MACROD2: variants seen among roughly 807,000 people sequenced by gnomAD.
The protein encoded by MACROD2 is mono-ADP ribosylhydrolase 2.
A neutral mutation model predicts 70.4 loss-of-function variants in MACROD2; 36 were observed. That is an observed-to-expected ratio of 0.51 (90% CI 0.39 to 0.68). MACROD2 has a LOEUF of 0.68. Ranked by LOEUF, MACROD2 falls within the 30% of genes least tolerant of loss-of-function variation. The probability of loss-of-function intolerance (pLI) is 0.00; values close to 1 mark genes in which losing one functional copy is unlikely to be tolerated. For synonymous variants in MACROD2, 172 were observed against 178.8 expected (o/e 0.96, Z 0.30); for missense variants, 496 against 538.4 (o/e 0.92, Z 0.78).
intron 4 of MACROD2, among the ~76,000 whole-genome samples, chr20:14,663,066 A>C (rs747948960): frequency 2.0e-5 from 3 of 152,232 alleles, no homozygotes; most frequent in Non-Finnish European, 2.9e-5. Flanking sequence ...ATAATAGCAA[A>C]CACATGGAAT....
chr20:15,048,861 A>G (rs1200769538), intron 5 of MACROD2, among the ~76,000 whole-genome samples: 1 of 152,170 alleles, frequency 6.6e-6, no homozygotes, highest in Non-Finnish European at 1.5e-5. Context: ...TAATCATAGC[A>G]GTATTTTTAA....
rs534944496 is a variant in MACROD2 at position 14,659,663 on chromosome 20, G to T, written c.302-25180G>T. On this transcript the variant is annotated intron_variant, in intron 4 of 17. Transcript: ENST00000684519. ...GGCCTAAACACTAGTGGGAAAAAGCGCCTGGTGAACAAATGCTGGGTGGCA... is the reference window on the plus strand; with the variant it reads ...GGCCTAAACACTAGTGGGAAAAAGCTCCTGGTGAACAAATGCTGGGTGGCA... Among the ~76,000 whole-genome samples the T allele has an allele frequency of 3.3e-5, 5 of 152,112 alleles. No homozygotes were observed. In the East Asian group the frequency reaches 5.8e-4, roughly 18 times the overall value.
intron 13 of MACROD2, among the ~76,000 whole-genome samples, chr20:15,968,792 T>G: frequency 1.1e-5 from 1 of 94,776 alleles, no homozygotes; most frequent in African/African-American, 3.6e-5. Flanking sequence ...TATTATATAT[T>G]ATGCGTATAT....
At chr20:14,469,743 C>T (rs957494959) in intron 3 of MACROD2, among the ~76,000 whole-genome samples, 8 of 151,870 alleles carry the variant, frequency 5.3e-5, no homozygotes, top group African/African-American at 1.9e-4. Flanking sequence ...TATCATGCTT[C>T]ACGAAGTTCT....
intron 3 of MACROD2, among the ~76,000 whole-genome samples, chr20:14,459,208 A>G (rs2084339087): frequency 6.6e-6 from 1 of 151,846 alleles, no homozygotes; most frequent in Non-Finnish European, 1.5e-5. Context: ...TATTCGTTTG[A>G]TGTGATTACT....
At chr20:14,492,718 T>G (rs1215096221) in intron 3 of MACROD2, among the ~76,000 whole-genome samples, 2 of 152,140 alleles carry the variant, frequency 1.3e-5, no homozygotes, top group African/African-American at 4.8e-5. Context: ...TTAAGAACTC[T>G]ATGGAATAAA....
intron 12 of MACROD2, among the ~76,000 whole-genome samples, chr20:15,940,193 A>G (rs2065730875): frequency 6.6e-6 from 1 of 151,622 alleles, no homozygotes; most frequent in Non-Finnish European, 1.5e-5. Flanking sequence ...TCCCAGGTGT[A>G]AGCAATTCTG....
chr20:14,167,928 A>G (rs2081186088), intron 3 of MACROD2, among the ~76,000 whole-genome samples: 1 of 152,208 alleles, frequency 6.6e-6, no homozygotes. Flanking sequence ...TGGTAACATT[A>G]GTTGATAAAG....
In MACROD2 at chr20:14,770,458, T is replaced by C. The variant is rs182538595; in HGVS notation, c.418+85499T>C. On this transcript the variant is annotated intron_variant, in intron 5 of 17. Coordinates refer to ENST00000684519, the MANE Select transcript of MACROD2 (RefSeq NM_001351661.2). ...TCTTAAAATATAAGTATAAAAACTG[T>C]GTTTGTTCTATATGTTTATACTGAG... 3.3e-5 allele frequency among the ~76,000 whole-genome samples: 5 copies of C among 152,152 alleles called. No individual in the cohort carries two copies. The East Asian group carries it at 9.7e-4, about 29-fold the overall frequency.
At chr20:15,810,799 T>A (rs930853132) in intron 8 of MACROD2, among the ~76,000 whole-genome samples, 1 of 152,016 alleles carries the variant, frequency 6.6e-6, no homozygotes, top group Admixed American at 6.6e-5. Flanking sequence ...TACAACTATC[T>A]GATCTTTGAC....
intron 6 of MACROD2, among the ~76,000 whole-genome samples, chr20:15,363,118 G>A (rs1481538883): frequency 6.6e-6 from 1 of 152,274 alleles, no homozygotes; most frequent in Admixed American, 6.5e-5. Context: ...TCCTTCGTTT[G>A]TTTGTTTTCT....
rs11484133 is a variant in MACROD2 at position 15,665,989 on chromosome 20, TA to T, written c.645+166153del. Among the ~76,000 whole-genome samples the T allele has an allele frequency of 4.9e-3, 731 of 148,838 alleles. 5 individuals are homozygous for T. Among genetic ancestry groups the T allele is most frequent in the African/African-American group, 0.016 (642 of 40,574 alleles). ...ATATTTCATGCTGTAGAGAAAATAG[TA>T]AAAAAAAAAAGTGTTAGTTAAATTA... is the stretch of plus-strand genomic sequence containing the variant. On this transcript the variant is annotated intron_variant, in intron 8 of 17. Coordinates refer to ENST00000684519, the MANE Select transcript of MACROD2 (RefSeq NM_001351661.2).
Position 15,140,687 on chromosome 20 carries a change from G to A in MACROD2, c.419-89253G>A, listed in dbSNP as rs567202945. Among the ~76,000 whole-genome samples, 84 of 152,204 alleles carry A rather than the reference G, an allele frequency of 5.5e-4. 1 individual carries two copies. The South Asian group carries it at 0.015, about 27-fold the overall frequency. Reference sequence around the variant, plus strand: ...AATAGCTGGCTGGAACATGGTCTGGGAAGGAAATGGGTGAGGTCAAAAGTG... The same window carrying A: ...AATAGCTGGCTGGAACATGGTCTGGAAAGGAAATGGGTGAGGTCAAAAGTG... On this transcript the variant is annotated intron_variant, in intron 5 of 17. Transcript: ENST00000684519.
chr20:14,413,228 C>T (rs551478702), intron 3 of MACROD2, among the ~76,000 whole-genome samples: 334 of 147,918 alleles, frequency 2.3e-3, no homozygotes, highest in African/African-American at 7.7e-3. Context: ...TATGTACGTG[C>T]GTGTGTACCT....
intron 3 of MACROD2, among the ~76,000 whole-genome samples, chr20:14,402,641 T>A (rs1348138628): frequency 6.6e-6 from 1 of 152,178 alleles, no homozygotes; most frequent in Non-Finnish European, 1.5e-5. Flanking sequence ...CTGAGTTAAA[T>A]AAGAACCCTG....
chr20:15,991,461 C>A (rs978313887), intron 15 of MACROD2, among the ~76,000 whole-genome samples: 1 of 152,162 alleles, frequency 6.6e-6, no homozygotes, highest in Non-Finnish European at 1.5e-5. Flanking sequence ...AGCAGTGTTG[C>A]CATACACAGA....
chr20:15,667,106 C>T (rs191938567), intron 8 of MACROD2, among the ~76,000 whole-genome samples: 3 of 152,178 alleles, frequency 2.0e-5, no homozygotes, highest in African/African-American at 7.2e-5. Flanking sequence ...ATTGTAATCC[C>T]CAAAGCTGGA....
At chr20:14,985,342 A>G (rs2074839117) in intron 5 of MACROD2, among the ~76,000 whole-genome samples, 1 of 152,174 alleles carries the variant, frequency 6.6e-6, no homozygotes, top group Admixed American at 6.5e-5. Context: ...AATTCCCTAT[A>G]GATGTTTTCA....
At chr20:14,950,900 G>C (rs978314743) in intron 5 of MACROD2, among the ~76,000 whole-genome samples, 1 of 152,134 alleles carries the variant, frequency 6.6e-6, no homozygotes, top group African/African-American at 2.4e-5. Context: ...GGTTGGTTGA[G>C]GACTTACTGG....
Sources: allele counts gnomAD v4.1 joint callset (sites outside exome capture counted in the v4.1 genomes callset), GRCh38; gene constraint gnomAD v4.1.1; transcripts MANE v1.5; gene names NCBI Gene and HGNC (gene_info 2026-07-23, HGNC 2026-07-21).